Variants in CTNNA2 observed in about 807,000 individuals in gnomAD.
CTNNA2 encodes catenin alpha-2.
CTNNA2 carries 42 observed loss-of-function variants against 101.0 expected under a neutral mutation model. That is an observed-to-expected ratio of 0.42 (90% CI 0.32 to 0.54). The LOEUF is 0.54. CTNNA2 is among the 20% of genes least tolerant of loss of function. The pLI is 0.14. For synonymous variants in CTNNA2, 450 were observed against 456.4 expected (o/e 0.99, Z 0.18); for missense variants, 871 against 1,223.1 (o/e 0.71, Z 4.29).
At chr2:79,634,537 C>G (rs1234166359) in intron 1 of CTNNA2, 4 of 152,174 alleles carry the variant, frequency 2.6e-5, no homozygotes, top group African/African-American at 9.7e-5. Flanking sequence ...GTTCCATCCT[C>G]AAGGTTCTAA....
chr2:79,468,793 GA>G (rs1004205499), intron 4 of CTNNA2, among the ~76,000 whole-genome samples: 19 of 152,210 alleles, frequency 1.2e-4, no homozygotes, highest in African/African-American at 4.6e-4. Context: ...GGTACATAAC[GA>G]AATGAAGGCA....
chr2:80,043,899 G>T (rs1315026811), intron 7 of CTNNA2, among the ~76,000 whole-genome samples: 2 of 152,182 alleles, frequency 1.3e-5, no homozygotes, highest in Non-Finnish European at 2.9e-5. Context: ...AATTAGAATG[G>T]TGTATGTGAG....
intron 2 of CTNNA2, among the ~76,000 whole-genome samples, chr2:79,221,569 C>T (rs1674345644): frequency 6.6e-6 from 1 of 151,912 alleles, no homozygotes; most frequent in African/African-American, 2.4e-5. Flanking sequence ...AAAATGATAG[C>T]CTTAGGAGAT....
chr2:79,313,434 C>T (rs552924585), intron 3 of CTNNA2, among the ~76,000 whole-genome samples: 2 of 152,216 alleles, frequency 1.3e-5, no homozygotes, highest in African/African-American at 4.8e-5. Flanking sequence ...ATTATCTCAC[C>T]ATAATAATAC....
At chr2:79,470,206 T>C (rs967315751) in intron 4 of CTNNA2, among the ~76,000 whole-genome samples, 1 of 152,172 alleles carries the variant, frequency 6.6e-6, no homozygotes, top group Non-Finnish European at 1.5e-5. Context: ...GCAGCAGTAA[T>C]TTATGATACA....
intron 7 of CTNNA2, among the ~76,000 whole-genome samples, chr2:80,207,742 T>C (rs949377378): frequency 2.0e-5 from 3 of 152,200 alleles, no homozygotes; most frequent in African/African-American, 7.2e-5. Context: ...GCTATAGATC[T>C]GGAGTGCAGC....
At chr2:79,329,063 C>T (rs534747846) in intron 3 of CTNNA2, among the ~76,000 whole-genome samples, 1 of 152,296 alleles carries the variant, frequency 6.6e-6, no homozygotes, top group Admixed American at 6.5e-5. Flanking sequence ...CTACCTTAAT[C>T]CAGCATGAAC....
chr2:80,188,426 T>C (rs947667604), intron 7 of CTNNA2, among the ~76,000 whole-genome samples: 1 of 152,232 alleles, frequency 6.6e-6, no homozygotes, highest in Non-Finnish European at 1.5e-5. Context: ...GAGTTTTCTA[T>C]TGCTGCTGTA....
At chr2:80,451,170 T>G (rs950609791) in intron 9 of CTNNA2, among the ~76,000 whole-genome samples, 1 of 152,032 alleles carries the variant, frequency 6.6e-6, no homozygotes, top group Non-Finnish European at 1.5e-5. Context: ...TTTGGCTGTG[T>G]CCCCACCCAA....
intron 4 of CTNNA2, among the ~76,000 whole-genome samples, chr2:79,457,414 A>G (rs960392241): frequency 1.3e-5 from 2 of 152,078 alleles, no homozygotes; most frequent in African/African-American, 4.8e-5. Context: ...GACCTGTTAC[A>G]TTTTTCTAAT....
intron 7 of CTNNA2, among the ~76,000 whole-genome samples, chr2:79,990,049 A>C (rs1426173197): frequency 6.6e-6 from 1 of 152,176 alleles, no homozygotes; most frequent in African/African-American, 2.4e-5. Context: ...TAGCTGTGGG[A>C]AGAAACAAAG....
intron 1 of CTNNA2, among the ~76,000 whole-genome samples, chr2:79,642,027 T>G (rs1255143430): frequency 6.6e-6 from 1 of 152,204 alleles, no homozygotes; most frequent in Non-Finnish European, 1.5e-5. Context: ...TTTGGAGCTT[T>G]CTTTGTATAT....
chr2:79,296,516 AT>A (rs1251741522), intron 2 of CTNNA2, among the ~76,000 whole-genome samples: 2 of 152,000 alleles, frequency 1.3e-5, no homozygotes. Context: ...TCATTTGTGC[AT>A]TTATTTACTA....
intron 4 of CTNNA2, among the ~76,000 whole-genome samples, chr2:79,865,169 C>A (rs2103992130): frequency 6.6e-6 from 1 of 152,230 alleles, no homozygotes; most frequent in South Asian, 2.1e-4. Flanking sequence ...CTGATGAAAT[C>A]ATTTTTTTCT....
intron 1 of CTNNA2, among the ~76,000 whole-genome samples, chr2:79,566,336 C>T (rs1675110912): frequency 6.6e-6 from 1 of 152,098 alleles, no homozygotes; most frequent in Non-Finnish European, 1.5e-5. Flanking sequence ...TCCCATGTTG[C>T]AGGAGCAAAA....
chr2:79,511,352 C>T (rs1671534433), upstream of CTNNA2, among the ~76,000 whole-genome samples: 1 of 152,150 alleles, frequency 6.6e-6, no homozygotes, highest in Non-Finnish European at 1.5e-5. Flanking sequence ...TCCTTCCTAC[C>T]TACTCCAGTC....
At chr2:80,182,847 G>A (rs1705868873) in intron 7 of CTNNA2, among the ~76,000 whole-genome samples, 1 of 152,148 alleles carries the variant, frequency 6.6e-6, no homozygotes, top group Non-Finnish European at 1.5e-5. Context: ...CAGAGAAAAT[G>A]AGAAAAACTT....
intron 3 of CTNNA2, among the ~76,000 whole-genome samples, chr2:79,839,660 T>C (rs1323807195): frequency 6.6e-6 from 1 of 152,070 alleles, no homozygotes; most frequent in African/African-American, 2.4e-5. Context: ...TCAGCTATCT[T>C]CTAGTTTTTT....
At chr2:79,420,128 T>A (rs930445168) in intron 4 of CTNNA2, among the ~76,000 whole-genome samples, 1 of 152,112 alleles carries the variant, frequency 6.6e-6, no homozygotes, top group Non-Finnish European at 1.5e-5. Context: ...GCCTAAGATA[T>A]GACTCTGGGT....
Sources: allele counts gnomAD v4.1 joint callset (sites outside exome capture counted in the v4.1 genomes callset), GRCh38; gene constraint gnomAD v4.1.1; transcripts MANE v1.5; gene names NCBI Gene and HGNC (gene_info 2026-07-23, HGNC 2026-07-21).